TBC1D23: variants seen among roughly 807,000 people sequenced by gnomAD.
The protein encoded by TBC1D23 is TBC1 domain family member 23.
TBC1D23 carries 55 observed loss-of-function variants against 91.4 expected under a neutral mutation model. The ratio of observed to expected loss-of-function variants is 0.60; its 90% CI spans 0.48 to 0.75. The LOEUF is 0.75. Among genes scored for constraint, TBC1D23 ranks in the 30% least tolerant of loss-of-function variants. The pLI is 0.00. For synonymous variants in TBC1D23, 289 were observed against 281.0 expected (o/e 1.03, Z -0.28); for missense variants, 725 against 836.1 (o/e 0.87, Z 1.64).
At chr3:100,297,334 A>T (rs1705318029) in intron 8 of TBC1D23, among the ~76,000 whole-genome samples, 1 of 152,212 alleles carries the variant, frequency 6.6e-6, no homozygotes, top group African/African-American at 2.4e-5. Flanking sequence ...TAACTAATTT[A>T]AAAAGACTTA....
chr3:100,300,522 A>G (rs1400410498), intron 10 of TBC1D23, among the ~76,000 whole-genome samples: 1 of 132,556 alleles, frequency 7.5e-6, no homozygotes, highest in Non-Finnish European at 1.6e-5. Flanking sequence ...TTTTTTTGAG[A>G]CAGAGTTTCT....
At position 100,261,069 on chromosome 3, in the gene TBC1D23, C is replaced by A. The variant is rs766527451; in HGVS notation, c.51C>A (p.Gly17=). ...CGCTGCCAACGTCGAGCGGCGACGG[C>A]TGGTGAGTGAAAGCCGGGGCTAATT... ...VPPLPTSSGD[G]WEKDLEEALE... is the part of the protein sequence containing the mutation. The change falls in exon 1 of 19, where the codon GGC becomes GGA. Residue 17 remains glycine (G), a splice_region_variant and synonymous_variant. Transcript: ENST00000394144. 2 of 1,613,506 alleles carry A rather than the reference C, an allele frequency of 1.2e-6. No homozygotes were observed. The highest frequency in any genetic ancestry group is 1.1e-5 in the South Asian group (1 of 91,048).
intron 7 of TBC1D23, among the ~76,000 whole-genome samples, chr3:100,295,749 C>G (rs1003039674): frequency 1.3e-5 from 2 of 152,166 alleles, no homozygotes; most frequent in African/African-American, 2.4e-5. Context: ...GTTACTTCCT[C>G]TCTATATTCC....
Position 100,318,045 on chromosome 3 carries a change from G to A in TBC1D23, c.1688-1024G>A, listed in dbSNP as rs79482058. ...ATATGTTAAAGCAAAGACATGTATG[G>A]AACTGATAACACCAAATTCAGATAA... On this transcript the variant is annotated intron_variant, in intron 16 of 18. Coordinates refer to ENST00000394144, the MANE Select transcript of TBC1D23 (RefSeq NM_001199198.3). Among the ~76,000 whole-genome samples, 564 of 152,010 alleles carry A rather than the reference G, an allele frequency of 3.7e-3. 4 individuals are homozygous for A. Among genetic ancestry groups the A allele is most frequent in the Non-Finnish European group, 5.7e-3 (387 of 67,948 alleles).
intron 18 of TBC1D23, among the ~76,000 whole-genome samples, chr3:100,322,153 T>C (rs1271886335): frequency 5.9e-5 from 9 of 152,110 alleles, no homozygotes; most frequent in Admixed American, 5.9e-4. Flanking sequence ...GAGTGCAGTG[T>C]TGCAATCACG....
rs375271380 is a variant in TBC1D23 at position 100,298,051 on chromosome 3, T to C, written c.999+6T>C. The C allele has an allele frequency of 4.0e-5, 65 of 1,612,034 alleles. No individual in the cohort carries two copies. The highest frequency in any genetic ancestry group is 5.3e-5 in the Non-Finnish European group (62 of 1,179,158). ...AAGCGAATCAGCTACAAGGGGTAAG[T>C]AAAGGAAACCCAGTTTGTTAGGGGA... is the stretch of plus-strand genomic sequence containing the variant. On this transcript the variant is annotated splice_donor_region_variant and intron_variant, in intron 9 of 18. Transcript: ENST00000394144.
chr3:100,284,027 C>G (rs2067719741), intron 4 of TBC1D23: 1 of 481,800 alleles, frequency 2.1e-6, no homozygotes. Flanking sequence ...AGTGGTTATA[C>G]TGGGGTTGGA....
At chr3:100,301,975 A>T in intron 10 of TBC1D23, 92 bp from the exon 11 acceptor site, 1 of 864,244 alleles carries the variant, frequency 1.2e-6, no homozygotes, top group East Asian at 2.8e-5. Context: ...GGCTCTTTAA[A>T]TATTGGGGTT....
chr3:100,285,432 C>G (rs891450832), intron 4 of TBC1D23, among the ~76,000 whole-genome samples: 3 of 151,960 alleles, frequency 2.0e-5, no homozygotes, highest in Non-Finnish European at 4.4e-5. Flanking sequence ...TCTTTTTTTG[C>G]CAAATTTTTT....
intron 17 of TBC1D23, among the ~76,000 whole-genome samples, chr3:100,320,252 A>G (rs1705827093): frequency 6.6e-6 from 1 of 152,118 alleles, no homozygotes; most frequent in Non-Finnish European, 1.5e-5. Context: ...AAAAAATGTG[A>G]GAGTATTATA....
At chr3:100,307,900 A>G (rs969958948) in intron 13 of TBC1D23, among the ~76,000 whole-genome samples, 4 of 152,254 alleles carry the variant, frequency 2.6e-5, no homozygotes, top group Non-Finnish European at 4.4e-5. Flanking sequence ...GAAGTGGAAT[A>G]ACTTGATTAA....
chr3:100,312,576 G>C (rs934715339), intron 15 of TBC1D23, among the ~76,000 whole-genome samples: 4 of 152,020 alleles, frequency 2.6e-5, no homozygotes, highest in Non-Finnish European at 5.9e-5. Flanking sequence ...TCTTCAATTA[G>C]GGTAACAAAA....
chr3:100,311,761 A>T (rs1446266568), intron 14 of TBC1D23, 72 bp from the exon 15 acceptor site: 2 of 1,027,314 alleles, frequency 1.9e-6, no homozygotes, highest in Non-Finnish European at 2.9e-6. Flanking sequence ...ACTGTACCAT[A>T]TTTTTTGTTT....
chr3:100,299,314 C>T lies in TBC1D23; in HGVS notation c.1075C>T (p.His359Tyr). The T allele has an allele frequency of 6.2e-7, 1 of 1,606,896 alleles. No individual in the cohort carries two copies. Among genetic ancestry groups the T allele is most frequent in the Non-Finnish European group, 8.5e-7 (1 of 1,173,964 alleles). The change falls in exon 10 of 19, where the codon CAC becomes TAC. Residue 359 changes from histidine (H) to tyrosine (Y), a missense_variant. Physicochemically the swap from His to Tyr is moderately conservative, Grantham distance 83. Coordinates refer to ENST00000394144, the MANE Select transcript of TBC1D23 (RefSeq NM_001199198.3). ...YNAGHLSTAF[H>Y]LDSDLMLQNP... Reference sequence around the variant, plus strand: ...TGCTGGGCATTTATCAACTGCTTTCCACTTAGATTCAGACCTGGTTAGTAT... The same window carrying T: ...TGCTGGGCATTTATCAACTGCTTTCTACTTAGATTCAGACCTGGTTAGTAT...
chr3:100,283,870 G>C, intron 4 of TBC1D23, 59 bp downstream of exon 4: 2 of 1,046,580 alleles, frequency 1.9e-6, no homozygotes, highest in East Asian at 4.8e-5. Context: ...GGTTTGCTTT[G>C]AGCTAAAGTT....
chr3:100,301,493 A>G (rs1443319529), intron 10 of TBC1D23, among the ~76,000 whole-genome samples: 1 of 152,000 alleles, frequency 6.6e-6, no homozygotes, highest in Non-Finnish European at 1.5e-5. Context: ...TGATCTGTCC[A>G]TTTTTCTATT....
At chr3:100,270,067 C>T (rs2067588543) in intron 1 of TBC1D23, among the ~76,000 whole-genome samples, 1 of 152,150 alleles carries the variant, frequency 6.6e-6, no homozygotes, top group African/African-American at 2.4e-5. Context: ...CAGAGCCGCT[C>T]CCACCTCTGT....
At chr3:100,304,962 C>A in intron 12 of TBC1D23, 74 bp downstream of exon 12, 1 of 828,408 alleles carries the variant, frequency 1.2e-6, no homozygotes, top group Non-Finnish European at 2.0e-6. Flanking sequence ...TAGAGTTGAT[C>A]TGGAGTGGTC....
At chr3:100,317,898 T>C (rs1161495788) in intron 16 of TBC1D23, among the ~76,000 whole-genome samples, 1 of 152,102 alleles carries the variant, frequency 6.6e-6, no homozygotes, top group Non-Finnish European at 1.5e-5. Flanking sequence ...AGGGTAGCAG[T>C]TGTGGAAGAA....
Sources: gnomAD v4.1 joint callset for allele counts (sites outside exome capture counted in the v4.1 genomes callset) on GRCh38, gnomAD v4.1.1 for gene constraint, MANE v1.5 for transcripts, NCBI Gene and HGNC (gene_info 2026-07-23, HGNC 2026-07-21) for gene names.